MYZAP: variants seen among roughly 807,000 people sequenced by gnomAD.
MYZAP encodes GRINL1A complex locus upstream.
A neutral mutation model predicts 69.4 loss-of-function variants in MYZAP; 66 were observed. The observed-to-expected ratio is 0.95, with a 90% CI of 0.78 to 1.17. The LOEUF is 1.17. Ranked by LOEUF, MYZAP falls within the 50% of genes most tolerant of loss-of-function variation. MYZAP has a pLI of 0.00. For synonymous variants in MYZAP, 256 were observed against 205.9 expected, an observed-to-expected ratio of 1.24 and a Z score of -2.09; for missense variants, 611 against 556.2, an observed-to-expected ratio of 1.10 and a Z score of -0.99.
intron 12 of MYZAP, among the ~76,000 whole-genome samples, chr15:57,677,019 C>T (rs533807367): frequency 3.3e-5 from 5 of 152,322 alleles, no homozygotes; most frequent in African/African-American, 9.6e-5. Context: ...ATATTTCATT[C>T]GTTTCCTCGC....
chr15:57,603,847 T>C (rs1009670565), intron 1 of MYZAP, among the ~76,000 whole-genome samples: 1 of 152,192 alleles, frequency 6.6e-6, no homozygotes, highest in African/African-American at 2.4e-5. Context: ...TACATGTATA[T>C]TGTAGAAAAA....
Position 57,684,459 on chromosome 15 carries a change from A to G in MYZAP, c.1362A>G (p.Thr454=), listed in dbSNP as rs1198997189. 5.6e-6 allele frequency: 9 copies of G among 1,613,382 alleles called. No individual in the cohort carries two copies. The African/African-American group carries it at 1.1e-4, about 19-fold the overall frequency. The change falls in exon 13 of 13, where the codon ACA becomes ACG. Residue 454 remains threonine (T), a synonymous_variant. Transcript: ENST00000267853. ...CTTCTAGGAACTACACCCCATACAC[A>G]AGAGTCCTGGAGTTAACCATGAAGA... ...VMPSRNYTPY[T]RVLELTMKKT...
intron 11 of MYZAP, among the ~76,000 whole-genome samples, chr15:57,663,889 C>A (rs1595925345): frequency 6.6e-6 from 1 of 152,004 alleles, no homozygotes; most frequent in African/African-American, 2.4e-5. Context: ...ATTTAAATTC[C>A]AATACAAATT....
chr15:57,607,524 C>T (rs755593418), intron 2 of MYZAP, among the ~76,000 whole-genome samples: 7 of 152,090 alleles, frequency 4.6e-5, no homozygotes, highest in Admixed American at 1.3e-4. Context: ...GTGGTACTAA[C>T]GGGGGCCCAA....
intron 3 of MYZAP, among the ~76,000 whole-genome samples, chr15:57,621,205 CTTTTTTTTT>C (rs61201214): frequency 2.4e-5 from 3 of 127,314 alleles, no homozygotes; most frequent in African/African-American, 8.9e-5. Flanking sequence ...CTTTCTTTTT[CTTTTTTTTT>C]TTTTTTTGTT....
In MYZAP at chr15:57,668,889, TATATA is replaced by T. The variant is rs370360624; in HGVS notation, c.1204-6078_1204-6074del. 1.9e-3 allele frequency among the ~76,000 whole-genome samples: 243 copies of T among 127,666 alleles called. 1 individual carries two copies. Among genetic ancestry groups the T allele is most frequent in the African/African-American group, 4.3e-3 (122 of 28,390 alleles). 83.8% of individuals were successfully genotyped at this position (127,666 alleles called of 152,430 possible). ...TCTGTTGAAGATATATATATATATA[TATATA>T]TTTTTTTTTTTTTGCAATGGGGTCT... On this transcript the variant is annotated intron_variant, in intron 11 of 12. Transcript: ENST00000267853.
In MYZAP at chr15:57,682,399, T is replaced by C. The variant is rs188984861; in HGVS notation, c.1305-2003T>C. Among the ~76,000 whole-genome samples, 18 of 152,252 alleles carry C rather than the reference T, an allele frequency of 1.2e-4. No individual in the cohort carries two copies. The East Asian group carries it at 2.9e-3, about 25-fold the overall frequency. ...AGGAGAAAAAAGAAATGGGATGTCT[T>C]AGTCACCTAATCCTGTTAACTATAA... On this transcript the variant is annotated intron_variant, in intron 12 of 12. Transcript: ENST00000267853.
intron 10 of MYZAP, chr15:57,647,649 A>T (rs1379109525): frequency 1.0e-6 from 1 of 985,258 alleles, no homozygotes; most frequent in African/African-American, 1.7e-5. Context: ...GGCAGGCCTT[A>T]TTCTGGAGCA....
intron 12 of MYZAP, among the ~76,000 whole-genome samples, chr15:57,676,428 ATATATATG>A (rs1290634224): frequency 3.3e-4 from 29 of 89,084 alleles, no homozygotes; most frequent in Admixed American, 9.7e-4. Flanking sequence ...ATGTGTATAT[ATATATATG>A]TATATATATA....
intron 2 of MYZAP, among the ~76,000 whole-genome samples, chr15:57,617,534 A>C (rs2035544535): frequency 6.6e-6 from 1 of 152,138 alleles, no homozygotes; most frequent in Non-Finnish European, 1.5e-5. Context: ...ACAACAGGTT[A>C]TGTACTAACA....
In MYZAP at chr15:57,648,399, A is replaced by G. The variant is rs541078758; in HGVS notation, c.1119+8854A>G. ...GACACCTGGTGCCCAGTTTCTGGCCATAGAAACTATGTGAGGCTGAGTAAT... is the reference window on the plus strand; with the variant it reads ...GACACCTGGTGCCCAGTTTCTGGCCGTAGAAACTATGTGAGGCTGAGTAAT... On this transcript the variant is annotated intron_variant, in intron 10 of 12. Coordinates refer to ENST00000267853, the MANE Select transcript of MYZAP (RefSeq NM_001018100.5). 82 of 985,326 alleles carry G rather than the reference A, an allele frequency of 8.3e-5. No homozygotes were observed. The African/African-American group carries it at 1.3e-3, about 15-fold the overall frequency. 61.0% of individuals were successfully genotyped at this position (985,326 alleles called of 1,614,324 possible). A position where few individuals can be genotyped will look rare whatever the true frequency, so the allele number is the denominator to read the frequency against.
intron 8 of MYZAP, 96 bp from the exon 9 acceptor site, chr15:57,637,599 A>G (rs2036888323): frequency 1.4e-6 from 2 of 1,379,488 alleles, no homozygotes; most frequent in Admixed American, 2.1e-5. Context: ...GGGGTGTCAT[A>G]TAGACTTGGA....
chr15:57,592,098 C>T lies in MYZAP; in HGVS notation c.64C>T (p.Pro22Ser), dbSNP rs76940573. 1,441 of 1,370,114 alleles carry T rather than the reference C, an allele frequency of 1.1e-3. 16 individuals carry two copies. In the African/African-American group the frequency reaches 0.02, roughly 19 times the overall value. The allele number at this position is 1,370,114 out of a possible 1,614,324, so 84.9% of individuals were successfully genotyped here. The change falls in exon 1 of 13, where the codon CCC (proline) becomes TCC (serine). Residue 22 changes from proline to serine, a missense_variant. By Grantham distance (74) the Pro-to-Ser change is moderately conservative. Coordinates refer to ENST00000267853, the MANE Select transcript of MYZAP (RefSeq NM_001018100.5). The stretch of plus-strand genomic sequence containing the variant: ...CGGCGCCGCCAGGACGCCCGGGGCG[C>T]CCAGCAGGAGGGTGAGTAGCGGGGG... Reference protein sequence around the residue: ...SGGAARTPGAPSRRANVCRLR... With the variant: ...SGGAARTPGASSRRANVCRLR...
rs987263548 is a variant in MYZAP, at chr15:57,608,728, A to T, written c.162+4373A>T. On this transcript the variant is annotated intron_variant, in intron 2 of 12. Coordinates refer to ENST00000267853, the MANE Select transcript of MYZAP (RefSeq NM_001018100.5). The stretch of plus-strand genomic sequence containing the variant: ...TAAACACTGAATCTCTTCCCTTTGA[A>T]TGCCAAAGCCAGTGGCCCTGGGTCT... 7.2e-5 allele frequency among the ~76,000 whole-genome samples: 11 copies of T among 152,220 alleles called. 1 individual carries two copies.
chr15:57,681,509 C>T (rs1248736894), intron 12 of MYZAP, among the ~76,000 whole-genome samples: 4 of 152,208 alleles, frequency 2.6e-5, no homozygotes, highest in Admixed American at 1.3e-4. Context: ...AGAGGCTTGG[C>T]GTGGTGGCTC....
chr15:57,634,086 T>C (rs2036670341), intron 8 of MYZAP, among the ~76,000 whole-genome samples: 1 of 152,174 alleles, frequency 6.6e-6, no homozygotes, highest in African/African-American at 2.4e-5. Flanking sequence ...CCCTGTTGTT[T>C]CTGGGGCATG....
chr15:57,681,003 G>C (rs1373996033), intron 12 of MYZAP, among the ~76,000 whole-genome samples: 1 of 152,184 alleles, frequency 6.6e-6, no homozygotes, highest in Non-Finnish European at 1.5e-5. Flanking sequence ...TTGTGTTCTT[G>C]AAATCCTGTT....
At chr15:57,594,673 C>T (rs1291966962) in intron 1 of MYZAP, among the ~76,000 whole-genome samples, 7 of 152,106 alleles carry the variant, frequency 4.6e-5, no homozygotes, top group African/African-American at 1.2e-4. Context: ...ATGATGATTA[C>T]GCAACGACAA....
At chr15:57,677,647 A>G (rs1222804751) in intron 12 of MYZAP, among the ~76,000 whole-genome samples, 2 of 152,242 alleles carry the variant, frequency 1.3e-5, no homozygotes, top group Non-Finnish European at 2.9e-5. Flanking sequence ...GACCAATACA[A>G]GCATTGAATT....
Sources: gnomAD v4.1 joint callset for allele counts (sites outside exome capture counted in the v4.1 genomes callset) on GRCh38, gnomAD v4.1.1 for gene constraint, MANE v1.5 for transcripts, NCBI Gene and HGNC (gene_info 2026-07-23, HGNC 2026-07-21) for gene names.